The following KIF26B variants were observed in gnomAD, a reference collection of about 807,000 sequenced individuals.
KIF26B encodes kinesin-like protein KIF26B.
A neutral mutation model predicts 151.2 loss-of-function variants in KIF26B; 63 were observed. The ratio of observed to expected loss-of-function variants is 0.42; its 90% CI spans 0.34 to 0.51. The LOEUF is 0.51. KIF26B is among the 20% of genes least tolerant of loss of function. The probability of loss-of-function intolerance (pLI) is 0.07; values close to 1 mark genes in which losing one functional copy is unlikely to be tolerated. For synonymous variants in KIF26B, 1,357 were observed against 1,262.1 expected (o/e 1.08, Z -1.59); for missense variants, 2,813 against 2,913.6 (o/e 0.97, Z 0.79).
rs376118613 is a variant in KIF26B, at chr1:245,685,601, C to T, written c.2618C>T (p.Thr873Met). Residue 873 changes from threonine to methionine, a missense_variant, in exon 12 of 15, where the codon ACG becomes ATG. This residue lies in a region of KIF26B where 2,060 missense variants were observed against 2,088.6 expected (regional missense o/e 0.99). Transcript: ENST00000407071. ...DTVIYIGPNG[T>M]ALSDKELTDN... ...GTCATCTACATCGGGCCCAACGGCA[C>T]GGCCCTCTCTGACAAGGAGCTCACC... The T allele has an allele frequency of 7.0e-5, 113 of 1,613,654 alleles. No individual in the cohort carries two copies. Among genetic ancestry groups the T allele is most frequent in the African/African-American group, 2.0e-4 (15 of 74,928 alleles).
chr1:245,532,748 A>G (rs536119869), intron 4 of KIF26B, among the ~76,000 whole-genome samples: 1 of 152,150 alleles, frequency 6.6e-6, no homozygotes, highest in Admixed American at 6.5e-5. Flanking sequence ...AATGAAATAG[A>G]TAATTTACAT....
intron 2 of KIF26B, among the ~76,000 whole-genome samples, chr1:245,200,947 T>G (rs1254029427): frequency 6.6e-6 from 1 of 152,228 alleles, no homozygotes; most frequent in African/African-American, 2.4e-5. Context: ...TATTCTTGTT[T>G]TGTAGAAAAA....
intron 4 of KIF26B, among the ~76,000 whole-genome samples, chr1:245,493,317 G>A (rs1369995811): frequency 6.6e-6 from 1 of 152,208 alleles, no homozygotes; most frequent in African/African-American, 2.4e-5. Flanking sequence ...GGAATGACCT[G>A]AACAATGGAC....
intron 4 of KIF26B, among the ~76,000 whole-genome samples, chr1:245,472,514 A>T (rs1659937944): frequency 6.6e-6 from 1 of 152,208 alleles, no homozygotes; most frequent in Non-Finnish European, 1.5e-5. Context: ...GAAGTCCTGA[A>T]TGCTGCAGTG....
At chr1:245,394,179 G>A (rs1558149060) in intron 3 of KIF26B, among the ~76,000 whole-genome samples, 1 of 152,094 alleles carries the variant, frequency 6.6e-6, no homozygotes, top group Non-Finnish European at 1.5e-5. Flanking sequence ...AAATCCTGTT[G>A]CAGTTTCTTC....
rs1558205814 is a variant in KIF26B at position 245,540,114 on chromosome 1, A to G, written c.1167-653A>G. Among the ~76,000 whole-genome samples, 1 of 152,078 alleles carries G rather than the reference A, an allele frequency of 6.6e-6. No homozygotes were observed. Among genetic ancestry groups the G allele is most frequent in the Non-Finnish European group, 1.5e-5 (1 of 68,024 alleles). ...TTTGACCCCTTACTCCTCGCACTTG[A>G]CCATGAATTGCATTTTGTATTTAAA... is the stretch of plus-strand genomic sequence containing the variant. On this transcript the variant is annotated intron_variant, in intron 4 of 14. Transcript: ENST00000407071. This position sits in a 1 kb window ranked among gnomAD's most constrained non-coding sequence, Gnocchi z 4.6.
chr1:245,532,757 A>T (rs923716113), intron 4 of KIF26B, among the ~76,000 whole-genome samples: 7 of 152,088 alleles, frequency 4.6e-5, no homozygotes, highest in African/African-American at 1.4e-4. Flanking sequence ...GATAATTTAC[A>T]TAAAAATCAG....
At chr1:245,349,005 G>T (rs1435158580) in intron 2 of KIF26B, among the ~76,000 whole-genome samples, 1 of 152,152 alleles carries the variant, frequency 6.6e-6, no homozygotes, top group Non-Finnish European at 1.5e-5. Context: ...CTGCCTTACT[G>T]TTCTCCATAG....
chr1:245,252,660 T>G (rs111605398), intron 2 of KIF26B, among the ~76,000 whole-genome samples: 1 of 152,158 alleles, frequency 6.6e-6, no homozygotes, highest in East Asian at 1.9e-4. Context: ...ATAATATGTC[T>G]GCAATTATGA....
chr1:245,418,536 T>C (rs1658373390), intron 3 of KIF26B, among the ~76,000 whole-genome samples: 1 of 152,268 alleles, frequency 6.6e-6, no homozygotes, highest in Non-Finnish European at 1.5e-5. Flanking sequence ...TAGGGCTCGC[T>C]GGCCTATTCA....
intron 9 of KIF26B, among the ~76,000 whole-genome samples, chr1:245,639,204 G>GT (rs1405682774): frequency 6.6e-6 from 1 of 151,684 alleles, no homozygotes; most frequent in Non-Finnish European, 1.5e-5. Flanking sequence ...GTTTTGGTAG[G>GT]TTATATGTTT....
intron 3 of KIF26B, among the ~76,000 whole-genome samples, chr1:245,414,801 T>C (rs1260096067): frequency 6.6e-6 from 1 of 152,224 alleles, no homozygotes; most frequent in Non-Finnish European, 1.5e-5. Flanking sequence ...CAAGTTTCTT[T>C]ATCTACCTTC....
At chr1:245,279,071 C>T (rs1310669197) in intron 2 of KIF26B, among the ~76,000 whole-genome samples, 1 of 152,112 alleles carries the variant, frequency 6.6e-6, no homozygotes, top group Non-Finnish European at 1.5e-5. Flanking sequence ...AGCACGTGAC[C>T]CTCTTGAAGG....
intron 2 of KIF26B, among the ~76,000 whole-genome samples, chr1:245,163,387 C>G (rs1318220758): frequency 6.6e-6 from 1 of 152,218 alleles, no homozygotes; most frequent in Non-Finnish European, 1.5e-5. Flanking sequence ...AGTGATCTGC[C>G]TGCCTTGGCC....
At chr1:245,337,409 T>C (rs1672256246) in intron 2 of KIF26B, among the ~76,000 whole-genome samples, 2 of 151,944 alleles carry the variant, frequency 1.3e-5, no homozygotes, top group Non-Finnish European at 2.9e-5. Flanking sequence ...CTCGAACTCC[T>C]GACTTCAAGT....
chr1:245,405,755 C>T (rs953552190), intron 3 of KIF26B, among the ~76,000 whole-genome samples: 3 of 152,000 alleles, frequency 2.0e-5, no homozygotes, highest in African/African-American at 7.2e-5. Flanking sequence ...TGGAACTTGG[C>T]CTGGAATAGA....
At chr1:245,548,114 G>T (rs182336831) in intron 5 of KIF26B, among the ~76,000 whole-genome samples, 1 of 152,128 alleles carries the variant, frequency 6.6e-6, no homozygotes, top group Non-Finnish European at 1.5e-5. Flanking sequence ...TCCACAAGAC[G>T]TATCTATGGG....
Position 245,176,649 on chromosome 1 carries a change from G to A in KIF26B, c.465+19966G>A, listed in dbSNP as rs527753434. ...CAGCACTTTCATACCCAGTCTAAAGGCTTCTAGGAAACTGTGGGTCAGCTG... is the reference window on the plus strand; with the variant it reads ...CAGCACTTTCATACCCAGTCTAAAGACTTCTAGGAAACTGTGGGTCAGCTG... On this transcript the variant is annotated intron_variant, in intron 2 of 14. Coordinates refer to ENST00000407071, the MANE Select transcript of KIF26B (RefSeq NM_018012.4). Among the ~76,000 whole-genome samples, 18 of 152,268 alleles carry A rather than the reference G, an allele frequency of 1.2e-4. No homozygotes were observed. In the South Asian group the frequency reaches 3.5e-3, roughly 30 times the overall value.
chr1:245,421,732 AG>A (rs1658492268), intron 4 of KIF26B, among the ~76,000 whole-genome samples: 1 of 152,106 alleles, frequency 6.6e-6, no homozygotes, highest in Non-Finnish European at 1.5e-5. Context: ...CCCAATTGGC[AG>A]AATTTAAGGA....
Sources: gnomAD v4.1 joint callset for allele counts (sites outside exome capture counted in the v4.1 genomes callset) on GRCh38, gnomAD v4.1.1 for gene constraint, gnomAD v4.1.1 regional missense constraint, Gnocchi (gnomAD v3.1) non-coding constraint, MANE v1.5 for transcripts, NCBI Gene and HGNC (gene_info 2026-07-23, HGNC 2026-07-21) for gene names.